NUBP1: variants seen among roughly 807,000 people sequenced by gnomAD.
NUBP1 encodes cytosolic Fe-S cluster assembly factor NUBP1.
NUBP1 carries 46 observed loss-of-function variants against 41.8 expected under a neutral mutation model. The ratio of observed to expected loss-of-function variants is 1.10; its 90% CI spans 0.87 to 1.41. The LOEUF is 1.41. NUBP1 is among the 40% of genes most tolerant of loss of function. The pLI, the probability that NUBP1 is intolerant of heterozygous loss-of-function variation, is 0.00. For synonymous variants in NUBP1, 189 were observed against 154.6 expected, an observed-to-expected ratio of 1.22 and a Z score of -1.65; for missense variants, 494 against 414.0, an observed-to-expected ratio of 1.19 and a Z score of -1.68.
Position 10,766,974 on chromosome 16 carries a change from C to T in NUBP1, c.821-975C>T. 1 of 398,818 alleles carries T rather than the reference C, an allele frequency of 2.5e-6. No individual in the cohort carries two copies. Among genetic ancestry groups the T allele is most frequent in the South Asian group, 1.3e-4 (1 of 7,864 alleles). The allele number at this position is 398,818 out of a possible 1,614,324, so 24.7% of individuals were successfully genotyped here. ...CTGGGCCATATGGGCTCCCCATCTC[C>T]CACCAACCCCTCCCCACAGGCTTCT... On this transcript the variant is annotated intron_variant, in intron 9 of 10. Coordinates refer to ENST00000283027, the MANE Select transcript of NUBP1 (RefSeq NM_002484.4). This position sits in a 1 kb window ranked among gnomAD's most constrained non-coding sequence, Gnocchi z 4.8.
At chr16:10,752,497 G>C (rs2142694399) in intron 3 of NUBP1, 113 bp from the exon 4 acceptor site, 2 of 787,138 alleles carry the variant, frequency 2.5e-6, no homozygotes, top group East Asian at 2.5e-5. Flanking sequence ...GTTTAACCCA[G>C]TTTCTGTCTT....
At chr16:10,752,941 T>C (rs1181952137) in intron 4 of NUBP1, among the ~76,000 whole-genome samples, 1 of 152,146 alleles carries the variant, frequency 6.6e-6, no homozygotes, top group Non-Finnish European at 1.5e-5. Flanking sequence ...ACTACAGTGG[T>C]GTGCCATCAT....
At position 10,757,725 on chromosome 16, in the gene NUBP1, G is replaced by T; in HGVS notation, c.452-148G>T. On this transcript the variant is annotated intron_variant, in intron 6 of 10. Coordinates refer to ENST00000283027, the MANE Select transcript of NUBP1 (RefSeq NM_002484.4). The surrounding 1 kb of genome is among the most constrained non-coding windows in gnomAD (Gnocchi z 4.1). ...CACTTATAGTCCTAGTTACTTGGGA[G>T]GCTGAGGTGGGAGGATTGCTTGAGC... 1 of 873,674 alleles carries T rather than the reference G, an allele frequency of 1.1e-6. No homozygotes were observed. The highest frequency in any genetic ancestry group is 1.8e-6 in the Non-Finnish European group (1 of 566,548). 54.1% of individuals were successfully genotyped at this position (873,674 alleles called of 1,614,324 possible).
chr16:10,755,201 G>C (rs377409888), intron 4 of NUBP1, among the ~76,000 whole-genome samples: 1 of 152,290 alleles, frequency 6.6e-6, no homozygotes, highest in Non-Finnish European at 1.5e-5. Context: ...TAAACTTTCA[G>C]TGTGCGCTTT....
Position 10,757,965 on chromosome 16 carries a change from T to C in NUBP1, c.544T>C (p.Ser182Pro). The C allele has an allele frequency of 6.2e-7, 1 of 1,613,966 alleles. No homozygotes were observed. The highest frequency in any genetic ancestry group is 8.5e-7 in the Non-Finnish European group (1 of 1,180,010). The part of the protein sequence containing the change: ...TPPGTSDEHL[S>P]VVRYLATAHI... ...ACCTGGGACGTCGGATGAACACCTCTCGGTCGTCCGGTACCTGGCCACAGC... is the reference window on the plus strand; with the variant it reads ...ACCTGGGACGTCGGATGAACACCTCCCGGTCGTCCGGTACCTGGCCACAGC... Residue 182 changes from serine (S) to proline (P), a missense_variant, in exon 7 of 11, where the codon TCG (serine) becomes CCG (proline). Ser to Pro is a moderately conservative substitution (Grantham distance 74). Coordinates refer to ENST00000283027, the MANE Select transcript of NUBP1 (RefSeq NM_002484.4). This position sits in a 1 kb window ranked among gnomAD's most constrained non-coding sequence, Gnocchi z 4.1.
Position 10,766,737 on chromosome 16 carries a change from C to T in NUBP1, c.821-1212C>T, listed in dbSNP as rs371608233. 4.8e-5 allele frequency: 19 copies of T among 393,232 alleles called. No homozygotes were observed. The highest frequency in any genetic ancestry group is 2.5e-4 in the East Asian group (7 of 27,802). 24.4% of individuals were successfully genotyped at this position (393,232 alleles called of 1,614,324 possible). ...TCAACTCCACGGTGTGGGAGGAGAACGGGCCTGAGAATAGGGGCTCAAAGG... is the reference window on the plus strand; with the variant it reads ...TCAACTCCACGGTGTGGGAGGAGAATGGGCCTGAGAATAGGGGCTCAAAGG... On this transcript the variant is annotated intron_variant, in intron 9 of 10. Coordinates refer to ENST00000283027, the MANE Select transcript of NUBP1 (RefSeq NM_002484.4). This position sits in a 1 kb window ranked among gnomAD's most constrained non-coding sequence, Gnocchi z 4.8.
chr16:10,751,605 G>A lies in NUBP1; in HGVS notation c.259-1005G>A, dbSNP rs550953778. Among the ~76,000 whole-genome samples, 42 of 152,280 alleles carry A rather than the reference G, an allele frequency of 2.8e-4. No individual in the cohort carries two copies. In the South Asian group the frequency reaches 7.2e-3, roughly 26 times the overall value. Reference sequence around the variant, plus strand: ...TCCGAGTCATTGCAGCTTTCAAGATGAATACTAGCCCTGTTCTCAGAAGGT... The same window carrying A: ...TCCGAGTCATTGCAGCTTTCAAGATAAATACTAGCCCTGTTCTCAGAAGGT... On this transcript the variant is annotated intron_variant, in intron 3 of 10. Coordinates refer to ENST00000283027, the MANE Select transcript of NUBP1 (RefSeq NM_002484.4).
chr16:10,760,735 TA>T (rs373845717), intron 7 of NUBP1, among the ~76,000 whole-genome samples: 3,163 of 148,780 alleles, frequency 0.021, 130 homozygotes, highest in African/African-American at 0.073. Flanking sequence ...ATCCTGTCTC[TA>T]AAAAAAAAAG....
At chr16:10,752,706 A>G in intron 4 of NUBP1, 28 bp downstream of exon 4, 1 of 1,596,544 alleles carries the variant, frequency 6.3e-7, no homozygotes, top group Non-Finnish European at 8.6e-7. Context: ...AACTCAGGAA[A>G]TTATTCTCTT....
In NUBP1 at chr16:10,766,149, G is replaced by T. The variant is rs545433174; in HGVS notation, c.821-1800G>T. 1 of 152,572 alleles carries T rather than the reference G, an allele frequency of 6.6e-6. No individual in the cohort carries two copies. The highest frequency in any genetic ancestry group is 1.5e-5 in the Non-Finnish European group (1 of 68,222). 9.5% of individuals were successfully genotyped at this position (152,572 alleles called of 1,614,324 possible). On this transcript the variant is annotated intron_variant, in intron 9 of 10. Transcript: ENST00000283027. The surrounding 1 kb of genome is among the most constrained non-coding windows in gnomAD (Gnocchi z 4.8). ...TCTGGTGCTATGGGTCCTGGTCCCG[G>T]TGTGCTGAGGATCACAGGAAGGGCT...
intron 2 of NUBP1, 49 bp from the exon 3 acceptor site, chr16:10,747,094 C>T (rs774517002): frequency 9.3e-6 from 15 of 1,606,022 alleles, no homozygotes; most frequent in South Asian, 6.7e-5. Context: ...GCGTGACATT[C>T]GAGGTTTGGT....
chr16:10,757,998 G>T lies in NUBP1; in HGVS notation c.577G>T (p.Asp193Tyr). 6.2e-7 allele frequency: 1 copy of T among 1,614,072 alleles called. No homozygotes were observed. The highest frequency in any genetic ancestry group is 8.5e-7 in the Non-Finnish European group (1 of 1,180,018). The change falls in exon 7 of 11, where the codon GAT becomes TAT. Residue 193 changes from aspartate to tyrosine, a missense_variant. By Grantham distance (160) the Asp-to-Tyr change is radical. Transcript: ENST00000283027. The surrounding 1 kb of genome is among the most constrained non-coding windows in gnomAD (Gnocchi z 4.1). Reference protein sequence around the residue: ...VVRYLATAHIDGAVIITTPQE... With the variant: ...VVRYLATAHIYGAVIITTPQE... ...CCGGTACCTGGCCACAGCACACATC[G>T]ATGGAGCAGTGATCATCACCACTCC...
At chr16:10,762,315 C>T (rs754997206) in intron 9 of NUBP1, among the ~76,000 whole-genome samples, 9 of 152,254 alleles carry the variant, frequency 5.9e-5, no homozygotes, top group East Asian at 1.9e-4. Context: ...GACCGGAACG[C>T]GGATCACTGG....
chr16:10,762,630 G>T (rs552741112), intron 9 of NUBP1, among the ~76,000 whole-genome samples: 1 of 152,350 alleles, frequency 6.6e-6, no homozygotes, highest in South Asian at 2.1e-4. Context: ...GGTCTGAGGG[G>T]AGAACAGAGA....
At position 10,749,459 on chromosome 16, in the gene NUBP1, T is replaced by C. The variant is rs1031677823; in HGVS notation, c.258+2183T>C. Among the ~76,000 whole-genome samples the C allele has an allele frequency of 1.3e-5, 2 of 152,138 alleles. No homozygotes were observed. Among genetic ancestry groups the C allele is most frequent in the Non-Finnish European group, 2.9e-5 (2 of 68,026 alleles). ...GCATGCCTGTCTAGACTTTGCAGTA[T>C]ACAGAAGGAAAGCACACCATTCAGT... On this transcript the variant is annotated intron_variant, in intron 3 of 10. Coordinates refer to ENST00000283027, the MANE Select transcript of NUBP1 (RefSeq NM_002484.4). This position sits in a 1 kb window ranked among gnomAD's most constrained non-coding sequence, Gnocchi z 4.1.
In NUBP1 at chr16:10,756,743, T is replaced by G. The variant is rs752534624; in HGVS notation, c.414T>G (p.Pro138=). ...VMSVGFLLSS[P]DDAVIWRGPK... ...CAGTGGGCTTCCTGCTCAGCAGTCC[T>G]GATGATGCTGTTATCTGGAGGGGAC... The change falls in exon 6 of 11, where the codon CCT becomes CCG. Residue 138 remains proline, a synonymous_variant. Transcript: ENST00000283027. The G allele has an allele frequency of 6.3e-7, 1 of 1,589,214 alleles. No homozygotes were observed. Among genetic ancestry groups the G allele is most frequent in the Non-Finnish European group, 8.5e-7 (1 of 1,170,672 alleles).
Position 10,768,602 on chromosome 16 carries a change from G to A in NUBP1, c.905-445G>A, listed in dbSNP as rs2031253933. On this transcript the variant is annotated intron_variant, in intron 10 of 10. Transcript: ENST00000283027. This position sits in a 1 kb window ranked among gnomAD's most constrained non-coding sequence, Gnocchi z 4.3. The stretch of plus-strand genomic sequence containing the variant: ...AGCCTGGGCAACAGCGTGAGACCGT[G>A]TCTCAAAAAAATAAAAAATAAAAAT... 1 of 157,640 alleles carries A rather than the reference G, an allele frequency of 6.3e-6. No homozygotes were observed. Among genetic ancestry groups the A allele is most frequent in the African/African-American group, 2.4e-5 (1 of 41,564 alleles). The allele number at this position is 157,640 out of a possible 1,614,324, so 9.8% of individuals were successfully genotyped here.
At chr16:10,756,446 T>C (rs1015165501) in intron 5 of NUBP1, among the ~76,000 whole-genome samples, 1 of 151,294 alleles carries the variant, frequency 6.6e-6, no homozygotes, top group African/African-American at 2.4e-5. Context: ...CTGAGTTCCC[T>C]GTCATTGCCG....
chr16:10,757,962 C>G lies in NUBP1; in HGVS notation c.541C>G (p.Leu181Val). 1.2e-6 allele frequency: 2 copies of G among 1,614,104 alleles called. No individual in the cohort carries two copies. Among genetic ancestry groups the G allele is most frequent in the East Asian group, 2.2e-5 (1 of 44,878 alleles). ...DTPPGTSDEHLSVVRYLATAH... is the reference protein window; with the variant it reads ...DTPPGTSDEHVSVVRYLATAH... ...CCCACCTGGGACGTCGGATGAACACCTCTCGGTCGTCCGGTACCTGGCCAC... is the reference window on the plus strand; with the variant it reads ...CCCACCTGGGACGTCGGATGAACACGTCTCGGTCGTCCGGTACCTGGCCAC... Residue 181 changes from leucine (L) to valine (V), a missense_variant, in exon 7 of 11, where the codon CTC (leucine) becomes GTC (valine). Physicochemically the swap from Leu to Val is conservative, Grantham distance 32. Coordinates refer to ENST00000283027, the MANE Select transcript of NUBP1 (RefSeq NM_002484.4). This position sits in a 1 kb window ranked among gnomAD's most constrained non-coding sequence, Gnocchi z 4.1.
Sources: allele counts gnomAD v4.1 joint callset (sites outside exome capture counted in the v4.1 genomes callset), GRCh38; gene constraint gnomAD v4.1.1; non-coding constraint Gnocchi (gnomAD v3.1); transcripts MANE v1.5; gene names NCBI Gene and HGNC (gene_info 2026-07-23, HGNC 2026-07-21).